SH3RF1: variants seen among roughly 807,000 people sequenced by gnomAD.
The protein encoded by SH3RF1 is SH3 domain containing ring finger 1, also known as E3 ubiquitin-protein ligase SH3RF1.
SH3RF1 carries 32 observed loss-of-function variants against 74.0 expected under a neutral mutation model. That is an observed-to-expected ratio of 0.43 (90% CI 0.33 to 0.58). The LOEUF is 0.58. SH3RF1 is among the 20% of genes least tolerant of loss of function. The pLI, the probability that SH3RF1 is intolerant of heterozygous loss-of-function variation, is 0.05. For missense variants in SH3RF1, 954 were observed against 1,130.9 expected, an observed-to-expected ratio of 0.84 and a Z score of 2.24; for synonymous variants, 396 against 439.6, an observed-to-expected ratio of 0.90 and a Z score of 1.24.
intron 11 of SH3RF1, among the ~76,000 whole-genome samples, chr4:169,103,835 T>A (rs766453344): frequency 5.9e-5 from 9 of 152,174 alleles, no homozygotes; most frequent in Non-Finnish European, 1.2e-4. Context: ...AATATAAACT[T>A]GGGTAGAAAT....
rs1440799677 is a variant in SH3RF1 at position 169,094,970 on chromosome 4, A to G, written c.*1549T>C. The G allele has an allele frequency of 6.6e-6, 1 of 152,390 alleles. No homozygotes were observed. The highest frequency in any genetic ancestry group is 1.5e-5 in the Non-Finnish European group (1 of 67,984). The allele number at this position is 152,390 out of a possible 1,614,324, so 9.4% of individuals were successfully genotyped here. A position where few individuals can be genotyped will look rare whatever the true frequency, so the allele number is the denominator to read the frequency against. On this transcript the variant is annotated 3_prime_UTR_variant, in exon 12 of 12. Coordinates refer to ENST00000284637, the MANE Select transcript of SH3RF1 (RefSeq NM_020870.4). ...GTATTTCCCATGAGAAAACTGTGGT[A>G]AGGATCTTATTCATTACCAGGCTGT...
intron 2 of SH3RF1, among the ~76,000 whole-genome samples, chr4:169,255,794 G>A (rs1360082621): frequency 6.6e-6 from 1 of 151,326 alleles, no homozygotes; most frequent in Non-Finnish European, 1.5e-5. Context: ...TGAGTCAAGA[G>A]TCTCGTTCTG....
At chr4:169,234,517 A>T (rs1265745291) in intron 2 of SH3RF1, among the ~76,000 whole-genome samples, 2 of 152,224 alleles carry the variant, frequency 1.3e-5, no homozygotes, top group Non-Finnish European at 2.9e-5. Flanking sequence ...GAACATTTAC[A>T]TCTAAACAAT....
intron 2 of SH3RF1, among the ~76,000 whole-genome samples, chr4:169,184,717 GTATT>G (rs997170185): frequency 3.3e-5 from 5 of 152,170 alleles, no homozygotes; most frequent in African/African-American, 7.2e-5. Flanking sequence ...TTGTTTTGGG[GTATT>G]TATTTATTTA....
At chr4:169,117,421 A>G (rs1178742048) in intron 9 of SH3RF1, 102 bp downstream of exon 9, 1 of 1,520,430 alleles carries the variant, frequency 6.6e-7, no homozygotes, top group South Asian at 1.3e-5. Flanking sequence ...GTTGTTCATT[A>G]TTAAAATTAC....
chr4:169,217,578 T>C (rs915101695), intron 2 of SH3RF1: 1 of 152,136 alleles, frequency 6.6e-6, no homozygotes, highest in Non-Finnish European at 1.5e-5. Flanking sequence ...ACCTGAAAGG[T>C]GTACAAGACA....
At chr4:169,197,295 C>T (rs532959605) in intron 2 of SH3RF1, among the ~76,000 whole-genome samples, 1 of 152,218 alleles carries the variant, frequency 6.6e-6, no homozygotes, top group South Asian at 2.1e-4. Context: ...AGGCACCACG[C>T]CCAGCCAATT....
intron 2 of SH3RF1, among the ~76,000 whole-genome samples, chr4:169,180,459 G>A (rs1734490812): frequency 6.6e-6 from 1 of 152,208 alleles, no homozygotes; most frequent in African/African-American, 2.4e-5. Flanking sequence ...AACTACTCTA[G>A]TGAATTGCCC....
intron 2 of SH3RF1, among the ~76,000 whole-genome samples, chr4:169,208,939 AAAAGAAAAG>A (rs1283527670): frequency 6.6e-6 from 1 of 152,184 alleles, no homozygotes; most frequent in Non-Finnish European, 1.5e-5. Flanking sequence ...AAAAAGAAAA[AAAAGAAAAG>A]AAAGAAAATG....
intron 2 of SH3RF1, among the ~76,000 whole-genome samples, chr4:169,190,271 A>G (rs1734678877): frequency 6.6e-6 from 1 of 152,208 alleles, no homozygotes; most frequent in Admixed American, 6.5e-5. Context: ...CAAAAGATAA[A>G]TGAAACAAAA....
intron 2 of SH3RF1, among the ~76,000 whole-genome samples, chr4:169,206,996 T>C (rs1730274221): frequency 6.6e-6 from 1 of 151,950 alleles, no homozygotes; most frequent in South Asian, 2.1e-4. Context: ...GTTTCACTCG[T>C]CACCCAGGCT....
Position 169,136,490 on chromosome 4 carries a change from G to T in SH3RF1, c.896C>A (p.Thr299Asn). 6.2e-7 allele frequency: 1 copy of T among 1,613,910 alleles called. No homozygotes were observed. Among genetic ancestry groups the T allele is most frequent in the Non-Finnish European group, 8.5e-7 (1 of 1,179,962 alleles). The stretch of plus-strand genomic sequence containing the variant: ...GGAAGTGAAGGAGTGCCGCTTTTTG[G>T]TGTTCTTCTTGGTGTCGGAGTGCTT... ...APKHSDTKKN[T>N]KKRHSFTSLT... Residue 299 changes from threonine to asparagine, a missense_variant, in exon 5 of 12, where the codon ACC becomes AAC. This residue lies in a region of SH3RF1 where 854 missense variants were observed against 962.5 expected (regional missense o/e 0.89). Transcript: ENST00000284637.
chr4:169,211,191 CCGGGCA>C (rs1428975817), intron 2 of SH3RF1, among the ~76,000 whole-genome samples: 1 of 152,084 alleles, frequency 6.6e-6, no homozygotes, highest in Non-Finnish European at 1.5e-5. Context: ...AAGAAACTAG[CCGGGCA>C]CGGTGTTGAG....
At chr4:169,172,288 G>A (rs1734343316) in intron 2 of SH3RF1, among the ~76,000 whole-genome samples, 1 of 152,220 alleles carries the variant, frequency 6.6e-6, no homozygotes. Context: ...CTAAAACCAT[G>A]TGTCCAGTTA....
At chr4:169,169,386 C>A (rs555539350) in intron 2 of SH3RF1, among the ~76,000 whole-genome samples, 1 of 152,260 alleles carries the variant, frequency 6.6e-6, no homozygotes, top group African/African-American at 2.4e-5. Flanking sequence ...CATATGAGGT[C>A]AGGAGTTCAA....
intron 4 of SH3RF1, among the ~76,000 whole-genome samples, chr4:169,139,329 C>T (rs1179196875): frequency 1.3e-5 from 2 of 152,170 alleles, no homozygotes; most frequent in Non-Finnish European, 2.9e-5. Flanking sequence ...AAGGACCTTA[C>T]AAACAGGCAT....
chr4:169,192,541 A>C (rs184893331), intron 2 of SH3RF1, among the ~76,000 whole-genome samples: 6 of 152,266 alleles, frequency 3.9e-5, no homozygotes, highest in African/African-American at 1.4e-4. Context: ...GCTGATGGGA[A>C]TGTAAACTAG....
intron 2 of SH3RF1, among the ~76,000 whole-genome samples, chr4:169,229,978 G>A (rs879766730): frequency 4.8e-5 from 7 of 146,010 alleles, no homozygotes; most frequent in Admixed American, 4.7e-4. Flanking sequence ...GGTGGAGACG[G>A]GTGGATCACT....
At chr4:169,110,181 C>G (rs779158927) in intron 10 of SH3RF1, among the ~76,000 whole-genome samples, 4 of 151,886 alleles carry the variant, frequency 2.6e-5, no homozygotes, top group Non-Finnish European at 5.9e-5. Context: ...TGAGAGCAGC[C>G]TGGGCAACAT....
Sources: gnomAD v4.1 joint callset for allele counts (sites outside exome capture counted in the v4.1 genomes callset) on GRCh38, gnomAD v4.1.1 for gene constraint, gnomAD v4.1.1 regional missense constraint, MANE v1.5 for transcripts, NCBI Gene and HGNC (gene_info 2026-07-23, HGNC 2026-07-21) for gene names.